RBFOX1: variants seen among roughly 807,000 people sequenced by gnomAD.
The protein encoded by RBFOX1 is RNA binding protein fox-1 homolog 1.
RBFOX1 carries 8 observed loss-of-function variants against 57.7 expected under a neutral mutation model. That is an observed-to-expected ratio of 0.14 (90% confidence interval 0.08 to 0.25). The LOEUF is 0.25. Among genes scored for constraint, RBFOX1 ranks in the 10% least tolerant of loss-of-function variants. RBFOX1 has a pLI of 1.00. For missense variants in RBFOX1, 611 were observed against 548.5 expected, an observed-to-expected ratio of 1.11 and a Z score of -1.14; for synonymous variants, 326 against 222.4, an observed-to-expected ratio of 1.47 and a Z score of -4.15.
intron 2 of RBFOX1, among the ~76,000 whole-genome samples, chr16:6,619,251 C>A (rs528743913): frequency 3.3e-5 from 5 of 152,062 alleles, no homozygotes; most frequent in Non-Finnish European, 5.9e-5. Context: ...CTGTTGTTGC[C>A]AAACAACTCT....
intron 3 of RBFOX1, among the ~76,000 whole-genome samples, chr16:6,889,680 C>T (rs1048238722): frequency 6.6e-6 from 1 of 152,132 alleles, no homozygotes; most frequent in East Asian, 1.9e-4. Flanking sequence ...TAGTCCAGCA[C>T]CTAATGGTTG....
At chr16:6,663,562 C>G (rs12922020) in intron 3 of RBFOX1, among the ~76,000 whole-genome samples, 35,440 of 151,440 alleles carry the variant, frequency 0.23, 4,598 homozygotes, top group African/African-American at 0.33. Flanking sequence ...GAAGGAGTTT[C>G]CCTTCAAAGA....
chr16:7,289,389 C>T (rs948820592), intron 4 of RBFOX1, among the ~76,000 whole-genome samples: 4 of 151,850 alleles, frequency 2.6e-5, no homozygotes, highest in Non-Finnish European at 4.4e-5. Flanking sequence ...TTATCATTAC[C>T]GATACCAACA....
chr16:7,024,624 C>T (rs1399205423), intron 3 of RBFOX1, among the ~76,000 whole-genome samples: 1 of 152,144 alleles, frequency 6.6e-6, no homozygotes, highest in African/African-American at 2.4e-5. Flanking sequence ...TCCCCTGCCA[C>T]CATCTTTGTT....
chr16:5,681,882 A>G (rs4786750), intron 3 of RBFOX1, among the ~76,000 whole-genome samples: 144,444 of 152,162 alleles, frequency 0.95, 68,634 homozygotes, highest in Non-Finnish European at 0.96. Flanking sequence ...AAGAGTGAAT[A>G]TGAGTGGTCT....
intron 4 of RBFOX1, among the ~76,000 whole-genome samples, chr16:7,220,933 G>A (rs1402831145): frequency 1.3e-5 from 2 of 152,040 alleles, no homozygotes; most frequent in Non-Finnish European, 2.9e-5. Context: ...AATTCTAAAT[G>A]CATTTGCATT....
intron 2 of RBFOX1, among the ~76,000 whole-genome samples, chr16:5,589,743 A>T (rs1000164060): frequency 1.3e-5 from 2 of 152,158 alleles, no homozygotes; most frequent in African/African-American, 4.8e-5. Flanking sequence ...GTAGAGTCTG[A>T]AGCTCAGAGA....
chr16:5,706,224 TC>T (rs1172398720), intron 3 of RBFOX1, among the ~76,000 whole-genome samples: 3 of 152,202 alleles, frequency 2.0e-5, no homozygotes, highest in East Asian at 1.9e-4. Flanking sequence ...TTGCTTTTTT[TC>T]CTATGATTTT....
intron 3 of RBFOX1, among the ~76,000 whole-genome samples, chr16:5,636,080 G>A (rs971038016): frequency 6.6e-6 from 1 of 152,176 alleles, no homozygotes; most frequent in African/African-American, 2.4e-5. Context: ...TGGCATGGTG[G>A]CTCATGCCTG....
chr16:6,353,246 A>G (rs1415968222), intron 2 of RBFOX1, among the ~76,000 whole-genome samples: 1 of 152,112 alleles, frequency 6.6e-6, no homozygotes, highest in Non-Finnish European at 1.5e-5. Context: ...TACGTCCTCC[A>G]TCTGAAATGC....
intron 1 of RBFOX1, among the ~76,000 whole-genome samples, chr16:5,298,200 T>A (rs1487660552): frequency 6.6e-6 from 1 of 152,228 alleles, no homozygotes; most frequent in African/African-American, 2.4e-5. Context: ...GATTTTTATG[T>A]GAAATTTTCT....
intron 2 of RBFOX1, among the ~76,000 whole-genome samples, chr16:5,541,549 G>T (rs1389905459): frequency 1.3e-5 from 2 of 152,176 alleles, no homozygotes; most frequent in Non-Finnish European, 2.9e-5. Context: ...GCATTCTCTT[G>T]AGTTTCTGAT....
At chr16:7,284,976 G>T (rs965177459) in intron 4 of RBFOX1, among the ~76,000 whole-genome samples, 2 of 148,028 alleles carry the variant, frequency 1.4e-5, no homozygotes, top group African/African-American at 2.5e-5. Context: ...CCTCGCCAAC[G>T]CCTCATCCCT....
intron 4 of RBFOX1, among the ~76,000 whole-genome samples, chr16:7,391,752 C>T (rs572209342): frequency 1.6e-4 from 24 of 152,214 alleles, no homozygotes; most frequent in African/African-American, 5.8e-4. Flanking sequence ...GCATATGTGC[C>T]TTTTATACAG....
chr16:5,429,106 G>A (rs1050016422), intron 1 of RBFOX1, among the ~76,000 whole-genome samples: 1 of 152,114 alleles, frequency 6.6e-6, no homozygotes, highest in Non-Finnish European at 1.5e-5. Flanking sequence ...CACTGGGTCA[G>A]TTTCCCTCCT....
chr16:6,846,106 T>C (rs1441096729), intron 3 of RBFOX1, among the ~76,000 whole-genome samples: 1 of 151,940 alleles, frequency 6.6e-6, no homozygotes, highest in Non-Finnish European at 1.5e-5. Context: ...AATATAGGTA[T>C]AGTCTTTGTT....
At chr16:7,608,997 T>C (rs554075509) in intron 10 of RBFOX1, among the ~76,000 whole-genome samples, 1 of 152,294 alleles carries the variant, frequency 6.6e-6, no homozygotes, top group East Asian at 1.9e-4. Flanking sequence ...GGCAGTTTAT[T>C]CAGGGGACAC....
chr16:6,995,552 G>A (rs184251861), intron 3 of RBFOX1, among the ~76,000 whole-genome samples: 63 of 152,132 alleles, frequency 4.1e-4, no homozygotes, highest in African/African-American at 1.5e-3. Context: ...ATCACCTTAG[G>A]TCAGGATCAC....
chr16:7,607,866 C>G (rs2056651934), intron 10 of RBFOX1, among the ~76,000 whole-genome samples: 2 of 152,208 alleles, frequency 1.3e-5, no homozygotes, highest in Admixed American at 6.5e-5. Flanking sequence ...AATTCCTTTT[C>G]TCTCTACTTT....
Sources: gnomAD v4.1 joint callset for allele counts (sites outside exome capture counted in the v4.1 genomes callset) on GRCh38, gnomAD v4.1.1 for gene constraint, MANE v1.5 for transcripts, NCBI Gene and HGNC (gene_info 2026-07-23, HGNC 2026-07-21) for gene names.